The following GSG1L variants were observed in gnomAD, a reference collection of about 807,000 sequenced individuals.
The protein encoded by GSG1L is GSG1 like, also known as germ cell-specific gene 1-like protein.
Under a neutral mutation model 42.1 loss-of-function variants are expected in GSG1L, and 24 were observed. That is an observed-to-expected ratio of 0.57 (90% confidence interval 0.41 to 0.80). The LOEUF (loss-of-function observed/expected upper bound fraction) is 0.80. Among genes scored for constraint, GSG1L ranks in the 30% least tolerant of loss-of-function variants. The pLI is 0.00. For synonymous variants in GSG1L, 215 were observed against 203.5 expected (o/e 1.06, Z -0.48); for missense variants, 445 against 472.2 (o/e 0.94, Z 0.53).
chr16:27,810,813 G>A (rs1226014583), intron 5 of GSG1L, among the ~76,000 whole-genome samples: 2 of 151,666 alleles, frequency 1.3e-5, no homozygotes, highest in African/African-American at 4.9e-5. Context: ...TCAGCCTCCC[G>A]AGGAGCTGGG....
At chr16:27,988,599 G>C (rs1451673915) in intron 1 of GSG1L, among the ~76,000 whole-genome samples, 1 of 151,848 alleles carries the variant, frequency 6.6e-6, no homozygotes, top group Non-Finnish European at 1.5e-5. Flanking sequence ...GAAATTGGAT[G>C]GATTTGTTTA....
chr16:27,963,097 T>C (rs2051742), intron 2 of GSG1L, 59 bp downstream of exon 2: 1,093,072 of 1,457,528 alleles, frequency 0.75, 412,871 homozygotes, highest in South Asian at 0.89. Context: ...GCCACCAAGG[T>C]AGGAAAGATG....
chr16:27,803,748 C>T (rs1405785234), intron 6 of GSG1L, among the ~76,000 whole-genome samples: 1 of 143,502 alleles, frequency 7.0e-6, no homozygotes, highest in Non-Finnish European at 1.5e-5. Context: ...TTCTCTGATC[C>T]TTTTCCCACA....
At chr16:27,951,630 G>A (rs2084951643) in intron 2 of GSG1L, among the ~76,000 whole-genome samples, 1 of 152,154 alleles carries the variant, frequency 6.6e-6, no homozygotes, top group South Asian at 2.1e-4. Flanking sequence ...TAGCCACCTG[G>A]CGTATTCCGG....
chr16:27,828,818 G>A lies in GSG1L; in HGVS notation c.801C>T (p.Asp267=). 2.5e-6 allele frequency: 4 copies of A among 1,614,174 alleles called. No homozygotes were observed. The highest frequency in any genetic ancestry group is 3.4e-6 in the Non-Finnish European group (4 of 1,180,024). The part of the protein sequence containing the change: ...QGYREEPTFI[D]PEAIKYFRER... ...CCCGGAAGTACTTGATGGCCTCAGG[G>A]TCTATGAAGGTCGGCTCTTCCCGGT... The change falls in exon 5 of 7, where the codon GAC becomes GAT. Residue 267 remains aspartate (D), a synonymous_variant. Transcript: ENST00000447459.
At chr16:27,932,098 G>A (rs1274447734) in intron 2 of GSG1L, among the ~76,000 whole-genome samples, 1 of 152,128 alleles carries the variant, frequency 6.6e-6, no homozygotes, top group Non-Finnish European at 1.5e-5. Context: ...TGTCACCCAG[G>A]CTGGAGTGCA....
chr16:27,841,279 C>T (rs2083378914), intron 4 of GSG1L, among the ~76,000 whole-genome samples: 1 of 152,156 alleles, frequency 6.6e-6, no homozygotes, highest in Non-Finnish European at 1.5e-5. Context: ...ACACCCTTGA[C>T]CGCCCCTCCA....
chr16:27,966,622 C>T (rs1206798354), intron 1 of GSG1L, among the ~76,000 whole-genome samples: 1 of 152,188 alleles, frequency 6.6e-6, no homozygotes, highest in Non-Finnish European at 1.5e-5. Context: ...AGCTTCCCCT[C>T]TTCAGTCTTT....
intron 4 of GSG1L, among the ~76,000 whole-genome samples, chr16:27,841,978 T>C (rs1386635555): frequency 6.6e-6 from 1 of 152,234 alleles, no homozygotes; most frequent in Admixed American, 6.5e-5. Flanking sequence ...TCTCAGCATC[T>C]GCATATGCAA....
chr16:27,907,078 T>TG (rs796731748), intron 2 of GSG1L, among the ~76,000 whole-genome samples: 18 of 152,318 alleles, frequency 1.2e-4, no homozygotes, highest in African/African-American at 4.3e-4. Flanking sequence ...GGTTAAGGGA[T>TG]GGGCACATGA....
intron 1 of GSG1L, among the ~76,000 whole-genome samples, chr16:28,031,487 A>G (rs1452954050): frequency 6.6e-6 from 1 of 152,042 alleles, no homozygotes; most frequent in African/African-American, 2.4e-5. Context: ...CCTGGCTCAT[A>G]ATGATAACCA....
At chr16:27,975,729 C>A (rs922621119) in intron 1 of GSG1L, among the ~76,000 whole-genome samples, 7 of 152,254 alleles carry the variant, frequency 4.6e-5, no homozygotes, top group South Asian at 4.2e-4. Context: ...TAATCTCAAT[C>A]CCCAAAAGTA....
intron 5 of GSG1L, among the ~76,000 whole-genome samples, chr16:27,817,016 A>C (rs967031181): frequency 6.6e-6 from 1 of 152,126 alleles, no homozygotes; most frequent in Non-Finnish European, 1.5e-5. Flanking sequence ...CTGGAGTCTG[A>C]TGGAGGCTGG....
intron 3 of GSG1L, among the ~76,000 whole-genome samples, chr16:27,878,463 C>G (rs908994839): frequency 5.3e-5 from 8 of 152,142 alleles, no homozygotes; most frequent in African/African-American, 1.9e-4. Flanking sequence ...GAAACTTCCC[C>G]CATGACTCAG....
intron 2 of GSG1L, among the ~76,000 whole-genome samples, chr16:27,889,455 T>C (rs1226240867): frequency 1.3e-5 from 2 of 152,234 alleles, no homozygotes; most frequent in African/African-American, 2.4e-5. Flanking sequence ...GTCTTTATTA[T>C]GAGCCAAGTC....
In GSG1L at chr16:28,057,965, C is replaced by T. The variant is rs75227479; in HGVS notation, c.349+5111G>A. Among the ~76,000 whole-genome samples, 4 of 152,336 alleles carry T rather than the reference C, an allele frequency of 2.6e-5. No individual in the cohort carries two copies. In the East Asian group the frequency reaches 7.7e-4, roughly 29 times the overall value. The stretch of plus-strand genomic sequence containing the variant: ...CACTCAACAAAACCTCCATTTTACA[C>T]ACAAGGAAAGAAAAGGCCAGAAAGA... On this transcript the variant is annotated intron_variant, in intron 1 of 6. Coordinates refer to ENST00000447459, the MANE Select transcript of GSG1L (RefSeq NM_001109763.2).
rs1567569962 is a variant in GSG1L, at chr16:28,050,088, G to GA, written c.349+12987dup. ...GACAGAATAGGTGTTTAATAGATGTGATGAATGAATGAATGAATGAATGAA... is the reference window on the plus strand; with the variant it reads ...GACAGAATAGGTGTTTAATAGATGTGAATGAATGAATGAATGAATGAATGAA... On this transcript the variant is annotated intron_variant, in intron 1 of 6. Coordinates refer to ENST00000447459, the MANE Select transcript of GSG1L (RefSeq NM_001109763.2). 1.8e-4 allele frequency among the ~76,000 whole-genome samples: 27 copies of GA among 152,066 alleles called. No individual in the cohort carries two copies. The South Asian group carries it at 3.1e-3, about 18-fold the overall frequency.
intron 3 of GSG1L, among the ~76,000 whole-genome samples, chr16:27,849,205 A>ACCCCCC (rs756692818): frequency 1.1e-5 from 1 of 93,302 alleles, no homozygotes. Context: ...CCCAAAAAGA[A>ACCCCCC]AAAAAAAAAA....
intron 6 of GSG1L, among the ~76,000 whole-genome samples, chr16:27,803,996 A>G (rs1391879306): frequency 1.3e-5 from 2 of 151,442 alleles, no homozygotes; most frequent in Non-Finnish European, 2.9e-5. Context: ...TGATTGACAG[A>G]TGAATAATAG....
Sources: allele counts gnomAD v4.1 joint callset (sites outside exome capture counted in the v4.1 genomes callset), GRCh38; gene constraint gnomAD v4.1.1; transcripts MANE v1.5; gene names NCBI Gene and HGNC (gene_info 2026-07-23, HGNC 2026-07-21).